Variants in CNTNAP2 observed in about 807,000 individuals in gnomAD.
CNTNAP2 encodes the protein contactin-associated protein-like 2.
In CNTNAP2, 98 loss-of-function variants were observed where a neutral mutation model predicts 155.2. The observed-to-expected ratio is 0.63, with a 90% CI of 0.54 to 0.75. The LOEUF (loss-of-function observed/expected upper bound fraction) is 0.75. Among genes scored for constraint, CNTNAP2 ranks in the 30% least tolerant of loss-of-function variants. The pLI is 0.00. For missense variants in CNTNAP2, 1,727 were observed against 1,688.1 expected (o/e 1.02, Z -0.40); for synonymous variants, 651 against 631.2 (o/e 1.03, Z -0.47).
chr7:147,731,572 CA>C (rs1442179130), intron 13 of CNTNAP2, among the ~76,000 whole-genome samples: 1 of 152,030 alleles, frequency 6.6e-6, no homozygotes, highest in Non-Finnish European at 1.5e-5. Flanking sequence ...TGGAGATATA[CA>C]AGAAGATTAA....
intron 3 of CNTNAP2, among the ~76,000 whole-genome samples, chr7:146,975,977 G>T (rs949781002): frequency 6.6e-6 from 1 of 152,170 alleles, no homozygotes; most frequent in Admixed American, 6.5e-5. Context: ...ACCACTTAAA[G>T]TCTAATGATG....
intron 8 of CNTNAP2, among the ~76,000 whole-genome samples, chr7:147,278,718 T>A (rs1045177286): frequency 1.3e-5 from 2 of 151,560 alleles, no homozygotes; most frequent in Non-Finnish European, 3.0e-5. Flanking sequence ...AAAAGCGTGA[T>A]AATTGTCTCC....
At chr7:146,584,739 G>T (rs1341786842) in intron 1 of CNTNAP2, among the ~76,000 whole-genome samples, 1 of 152,138 alleles carries the variant, frequency 6.6e-6, no homozygotes, top group African/African-American at 2.4e-5. Flanking sequence ...CACTTCTGAA[G>T]CAATCCTAAT....
In CNTNAP2 at chr7:146,774,315, T is replaced by C. The variant is rs1291364381; in HGVS notation, c.142T>C (p.Phe48Leu). ...TGTCTCTGGACTCCCCCATGTGGCT[T>C]TCAGCAGCTCCTCCTCCATCTCTGG... is the stretch of plus-strand genomic sequence containing the variant. ...PLVSGLPHVA[F>L]SSSSSISGSY... is the part of the protein sequence containing the mutation. Residue 48 changes from phenylalanine (F) to leucine (L), a missense_variant, in exon 2 of 24, where the codon TTC (phenylalanine) becomes CTC (leucine). Physicochemically the swap from Phe to Leu is conservative, Grantham distance 22 (BLOSUM62 0). Coordinates refer to ENST00000361727, the MANE Select transcript of CNTNAP2 (RefSeq NM_014141.6). The C allele has an allele frequency of 1.2e-6, 2 of 1,613,990 alleles. No homozygotes were observed. The highest frequency in any genetic ancestry group is 1.7e-6 in the Non-Finnish European group (2 of 1,179,964).
At chr7:146,721,774 A>AGAC (rs1801329323) in intron 1 of CNTNAP2, among the ~76,000 whole-genome samples, 5 of 130,234 alleles carry the variant, frequency 3.8e-5, no homozygotes, top group African/African-American at 9.5e-5. Flanking sequence ...CTACATATAT[A>AGAC]TTCTATATAT....
chr7:148,092,829 AT>A (rs1474263919), intron 15 of CNTNAP2, among the ~76,000 whole-genome samples: 2 of 149,362 alleles, frequency 1.3e-5, no homozygotes, highest in Admixed American at 6.7e-5. Flanking sequence ...AAAATGATTT[AT>A]TAGACATGCA....
intron 1 of CNTNAP2, among the ~76,000 whole-genome samples, chr7:146,213,167 T>A (rs192791944): frequency 2.0e-5 from 3 of 152,306 alleles, no homozygotes; most frequent in Admixed American, 2.0e-4. Flanking sequence ...GTTGTTTATG[T>A]GCATATAAAG....
At chr7:147,946,870 A>T (rs1488851994) in intron 14 of CNTNAP2, among the ~76,000 whole-genome samples, 1 of 152,212 alleles carries the variant, frequency 6.6e-6, no homozygotes, top group African/African-American at 2.4e-5. Context: ...GAAAGGACAT[A>T]GAGAAGGTAA....
chr7:147,966,749 G>A (rs904068668), intron 14 of CNTNAP2, among the ~76,000 whole-genome samples: 3 of 152,122 alleles, frequency 2.0e-5, no homozygotes, highest in East Asian at 1.9e-4. Context: ...GTGGACTATC[G>A]CTGTTTAGTT....
chr7:148,336,121 T>G, intron 21 of CNTNAP2, among the ~76,000 whole-genome samples: 1 of 152,156 alleles, frequency 6.6e-6, no homozygotes, highest in East Asian at 1.9e-4. Context: ...CTACAAAAAC[T>G]TGAAGAACAT....
At chr7:146,166,886 A>T (rs568233703) in intron 1 of CNTNAP2, among the ~76,000 whole-genome samples, 4 of 152,214 alleles carry the variant, frequency 2.6e-5, no homozygotes, top group African/African-American at 9.6e-5. Context: ...TGAAAGCTCA[A>T]ATCTGGTCCA....
At chr7:147,774,699 C>T (rs1303114612) in intron 13 of CNTNAP2, among the ~76,000 whole-genome samples, 1 of 152,118 alleles carries the variant, frequency 6.6e-6, no homozygotes, top group African/African-American at 2.4e-5. Flanking sequence ...AGAGCCCTCA[C>T]CAGGAACCAG....
chr7:146,490,874 A>G (rs1476761491), intron 1 of CNTNAP2, among the ~76,000 whole-genome samples: 1 of 152,204 alleles, frequency 6.6e-6, no homozygotes, highest in Non-Finnish European at 1.5e-5. Flanking sequence ...GTACTGATAA[A>G]TGGCGAAGCA....
intron 13 of CNTNAP2, among the ~76,000 whole-genome samples, chr7:147,766,297 T>G (rs1459555935): frequency 3.9e-5 from 6 of 152,204 alleles, no homozygotes; most frequent in Non-Finnish European, 1.5e-5. Flanking sequence ...ATGTTTATAA[T>G]TATAGACTTT....
chr7:148,042,829 A>G (rs1215580202), intron 15 of CNTNAP2, among the ~76,000 whole-genome samples: 1 of 152,204 alleles, frequency 6.6e-6, no homozygotes, highest in Admixed American at 6.5e-5. Context: ...ATGTTGAAAA[A>G]TGCTTAAAAC....
intron 1 of CNTNAP2, among the ~76,000 whole-genome samples, chr7:146,596,315 G>A (rs1018453677): frequency 2.0e-5 from 3 of 151,900 alleles, no homozygotes; most frequent in African/African-American, 7.3e-5. Context: ...AAGCTGAGGT[G>A]GAGTGAATTG....
At chr7:147,627,366 T>G (rs1795000663) in intron 12 of CNTNAP2, among the ~76,000 whole-genome samples, 1 of 152,084 alleles carries the variant, frequency 6.6e-6, no homozygotes, top group Non-Finnish European at 1.5e-5. Flanking sequence ...ATTATTAAGG[T>G]ACTCAGATAC....
intron 1 of CNTNAP2, among the ~76,000 whole-genome samples, chr7:146,183,123 T>G (rs1798572783): frequency 6.6e-6 from 1 of 152,188 alleles, no homozygotes. Context: ...TTTTCAAGAT[T>G]TAAGCTTGAT....
chr7:146,713,185 A>G (rs146934793), intron 1 of CNTNAP2, among the ~76,000 whole-genome samples: 279 of 152,318 alleles, frequency 1.8e-3, no homozygotes, highest in African/African-American at 6.4e-3. Flanking sequence ...AAAATACTGA[A>G]AGAATTAACA....
Sources: gnomAD v4.1 joint callset for allele counts (sites outside exome capture counted in the v4.1 genomes callset) on GRCh38, gnomAD v4.1.1 for gene constraint, MANE v1.5 for transcripts, NCBI Gene and HGNC (gene_info 2026-07-23, HGNC 2026-07-21) for gene names.